The following NHS variants were observed in gnomAD, a reference collection of about 807,000 sequenced individuals.
NHS encodes actin remodeling regulator NHS.
A neutral mutation model predicts 72.5 loss-of-function variants in NHS; 5 were observed. The observed-to-expected ratio is 0.07, with a 90% confidence interval of 0.04 to 0.14. The LOEUF (loss-of-function observed/expected upper bound fraction) is 0.14, where lower values mean the gene tolerates loss of function less well. Ranked by LOEUF, NHS falls within the 10% of genes least tolerant of loss-of-function variation. The probability of loss-of-function intolerance (pLI) is 1.00; values close to 1 mark genes in which losing one functional copy is unlikely to be tolerated. For synonymous variants in NHS, 464 were observed against 547.7 expected, an observed-to-expected ratio of 0.85 and a Z score of 2.13; for missense variants, 1,072 against 1,355.7, an observed-to-expected ratio of 0.79 and a Z score of 3.29.
Position 17,686,309 on chromosome X carries a change from C to G in NHS, c.566-1433C>G, listed in dbSNP as rs190453025. 3.5e-3 allele frequency among the ~76,000 whole-genome samples: 387 copies of G among 111,748 alleles called. 3 individuals carry two copies. Among genetic ancestry groups the G allele is most frequent in the African/African-American group, 0.012 (364 of 30,715 alleles). On this transcript the variant is annotated intron_variant, in intron 1 of 8. Transcript: ENST00000676302. ...AGGAGGGGCTCAGGTTTTCCCCACA[C>G]AAGAATTAAAGAGCCATGGCCACTT...
At chrX:17,420,420 G>A (rs943683568) in intron 1 of NHS, among the ~76,000 whole-genome samples, 10 of 110,407 alleles carry the variant, frequency 9.1e-5, no homozygotes, top group South Asian at 3.9e-4. Flanking sequence ...GAATCCACCC[G>A]TCAATTCATT....
intron 1 of NHS, among the ~76,000 whole-genome samples, chrX:17,395,464 G>C (rs1458594187): frequency 8.9e-6 from 1 of 112,025 alleles, no homozygotes; most frequent in Non-Finnish European, 1.9e-5. Flanking sequence ...ATATATCAAG[G>C]CCTTTACTAT....
chrX:17,447,785 GCACACA>G lies in NHS; in HGVS notation c.565+71492_565+71497del, dbSNP rs58710651. ...CACACACACACACGCACACACACAC[GCACACA>G]CACACACACACACACACACACACAC... On this transcript the variant is annotated intron_variant, in intron 1 of 8. Coordinates refer to ENST00000676302, the MANE Select transcript of NHS (RefSeq NM_001291867.2). Among the ~76,000 whole-genome samples the G allele has an allele frequency of 8.8e-3, 785 of 89,656 alleles. 1 individual carries two copies. Among genetic ancestry groups the G allele is most frequent in the South Asian group, 0.014 (24 of 1,755 alleles). The allele number at this position is 89,656 out of a possible 115,157, so 77.9% of individuals were successfully genotyped here. A position where few individuals can be genotyped will look rare whatever the true frequency, so the allele number is the denominator to read the frequency against.
At chrX:17,459,427 G>A (rs913938211) in intron 1 of NHS, among the ~76,000 whole-genome samples, 6 of 111,796 alleles carry the variant, frequency 5.4e-5, no homozygotes, top group Non-Finnish European at 1.1e-4. Flanking sequence ...TTCACAGAAG[G>A]GCTGAGAACT....
In NHS at chrX:17,723,770, T is replaced by TGCGCGC. The variant is rs1556037732; in HGVS notation, c.1109-525_1109-520dup. Among the ~76,000 whole-genome samples the TGCGCGC allele has an allele frequency of 9.6e-4, 88 of 91,314 alleles. 1 individual carries two copies. Among genetic ancestry groups the TGCGCGC allele is most frequent in the African/African-American group, 3.8e-3 (76 of 19,791 alleles). 79.3% of individuals were successfully genotyped at this position (91,314 alleles called of 115,157 possible). A position where few individuals can be genotyped will look rare whatever the true frequency, so the allele number is the denominator to read the frequency against. ...GTGTGTGTGTGTGTGTGTGTGTGTG[T>TGCGCGC]GCGCGCGCGTGCGCGCATGGGGAAT... On this transcript the variant is annotated intron_variant, in intron 5 of 8. Transcript: ENST00000676302.
At chrX:17,417,378 T>G (rs759886888) in intron 1 of NHS, among the ~76,000 whole-genome samples, 1 of 112,078 alleles carries the variant, frequency 8.9e-6, no homozygotes, top group Non-Finnish European at 1.9e-5. Flanking sequence ...ATTTAAATAG[T>G]GAACATTCAG....
intron 1 of NHS, among the ~76,000 whole-genome samples, chrX:17,422,204 C>A (rs2064627421): frequency 8.9e-6 from 1 of 112,063 alleles, no homozygotes. Context: ...GTGTTGGGTT[C>A]TTTTGATCAA....
intron 1 of NHS, among the ~76,000 whole-genome samples, chrX:17,614,381 G>A (rs139656235): frequency 1.9e-3 from 209 of 110,940 alleles, no homozygotes; most frequent in Non-Finnish European, 3.3e-3. Flanking sequence ...CTCAGCCTGA[G>A]GGCTAGGGCT....
At chrX:17,470,772 T>A (rs143457109) in intron 1 of NHS, among the ~76,000 whole-genome samples, 98 of 111,742 alleles carry the variant, frequency 8.8e-4, no homozygotes, top group African/African-American at 3.0e-3. Flanking sequence ...TCTAATAAAG[T>A]AGACCTTTTC....
In NHS at chrX:17,643,258, C is replaced by T. The variant is rs150626880; in HGVS notation, c.566-44484C>T. 4.9e-3 allele frequency among the ~76,000 whole-genome samples: 546 copies of T among 111,893 alleles called. 4 individuals are homozygous for T. Among genetic ancestry groups the T allele is most frequent in the African/African-American group, 0.017 (534 of 30,792 alleles). ...GACTCAGTTCTCTCTGGCTCCAAAACCTATGTTTTGTGTGTGTTTTTCTTT... is the reference window on the plus strand; with the variant it reads ...GACTCAGTTCTCTCTGGCTCCAAAATCTATGTTTTGTGTGTGTTTTTCTTT... On this transcript the variant is annotated intron_variant, in intron 1 of 8. Transcript: ENST00000676302.
rs1251676962 is a variant in NHS at position 17,721,637 on chromosome X, T to C, written c.1108+4T>C. The C allele has an allele frequency of 1.1e-5, 13 of 1,201,399 alleles. No individual in the cohort carries two copies. The highest frequency in any genetic ancestry group is 1.5e-5 in the Non-Finnish European group (13 of 889,377). On this transcript the variant is annotated splice_donor_region_variant and intron_variant, in intron 5 of 8. Coordinates refer to ENST00000676302, the MANE Select transcript of NHS (RefSeq NM_001291867.2). ...ATTATTCCCATCAATGTTACTGGTA[T>C]CGTTCTGGTTTTTTCTTAGGGGCAG... is the stretch of plus-strand genomic sequence containing the variant.
intron 1 of NHS, among the ~76,000 whole-genome samples, chrX:17,591,835 A>G (rs1806306726): frequency 8.9e-6 from 1 of 112,074 alleles, no homozygotes; most frequent in Non-Finnish European, 1.9e-5. Context: ...TATATTTCCA[A>G]TCTTGAGAAT....
chrX:17,487,837 C>T (rs1396549357), intron 1 of NHS, among the ~76,000 whole-genome samples: 1 of 111,460 alleles, frequency 9.0e-6, no homozygotes, highest in African/African-American at 3.3e-5. Flanking sequence ...TGGGGAGTGC[C>T]AGGGAGTCAG....
At chrX:17,483,686 T>C (rs1168828342) in intron 1 of NHS, among the ~76,000 whole-genome samples, 17 of 110,865 alleles carry the variant, frequency 1.5e-4, no homozygotes, top group Admixed American at 7.8e-4. Flanking sequence ...AACTCAGCCA[T>C]GGTCACATAG....
intron 1 of NHS, among the ~76,000 whole-genome samples, chrX:17,454,948 A>T (rs996965348): frequency 1.4e-4 from 16 of 111,693 alleles, no homozygotes; most frequent in Non-Finnish European, 2.6e-4. Flanking sequence ...TTTATGTTCA[A>T]TCAGAGCAGG....
intron 1 of NHS, among the ~76,000 whole-genome samples, chrX:17,389,409 T>A (rs1317783736): frequency 9.0e-6 from 1 of 111,000 alleles, no homozygotes; most frequent in Non-Finnish European, 1.9e-5. Context: ...GTGATTCCAT[T>A]TATAAGATAT....
At chrX:17,485,655 C>T (rs1235441397) in intron 1 of NHS, among the ~76,000 whole-genome samples, 2 of 111,268 alleles carry the variant, frequency 1.8e-5, no homozygotes, top group Admixed American at 9.6e-5. Context: ...GGTGGGGTTC[C>T]GGATGGACTG....
At chrX:17,654,372 G>T (rs974841071) in intron 1 of NHS, among the ~76,000 whole-genome samples, 5 of 112,084 alleles carry the variant, frequency 4.5e-5, no homozygotes, top group Non-Finnish European at 9.4e-5. Flanking sequence ...TCTTCCGGGG[G>T]ACTTCCACCA....
At chrX:17,586,058 C>T (rs890081837) in intron 1 of NHS, 2 of 110,538 alleles carry the variant, frequency 1.8e-5, no homozygotes, top group African/African-American at 6.6e-5. Context: ...TCAAAAAGTC[C>T]AGTGGTAGAG....
Sources: gnomAD v4.1 joint callset for allele counts (sites outside exome capture counted in the v4.1 genomes callset) on GRCh38, gnomAD v4.1.1 for gene constraint, MANE v1.5 for transcripts, NCBI Gene and HGNC (gene_info 2026-07-23, HGNC 2026-07-21) for gene names.